The following ZNF286A variants were observed in gnomAD, a reference collection of about 807,000 sequenced individuals.
ZNF286A encodes the protein zinc finger protein ZNF286.
Under a neutral mutation model 49.3 loss-of-function variants are expected in ZNF286A, and 34 were observed. That is an observed-to-expected ratio of 0.69 (90% CI 0.52 to 0.92). The LOEUF (loss-of-function observed/expected upper bound fraction) is 0.92. Among genes scored for constraint, ZNF286A ranks in the 40% least tolerant of loss-of-function variants. The probability of loss-of-function intolerance (pLI) is 0.00; values close to 1 mark genes in which losing one functional copy is unlikely to be tolerated. For missense variants in ZNF286A, 462 were observed against 600.2 expected (o/e 0.77, Z 2.41); for synonymous variants, 155 against 200.4 (o/e 0.77, Z 1.91).
chr17:15,712,021 G>A (rs1383191206), intron 5 of ZNF286A, among the ~76,000 whole-genome samples: 114 of 151,734 alleles, frequency 7.5e-4, no homozygotes, highest in South Asian at 4.2e-4. Flanking sequence ...ACAGGTGCCC[G>A]CCACCACACC....
chr17:15,717,332 T>G lies in ZNF286A; in HGVS notation c.*42T>G, dbSNP rs1967118033. 1.5e-6 allele frequency: 2 copies of G among 1,378,476 alleles called. No individual in the cohort carries two copies. The highest frequency in any genetic ancestry group is 4.7e-5 in the Admixed American group (2 of 42,842). The allele number at this position is 1,378,476 out of a possible 1,614,324, so 85.4% of individuals were successfully genotyped here. A position where few individuals can be genotyped will look rare whatever the true frequency, so the allele number is the denominator to read the frequency against. ...AAGAAATGTAAGTTGGTTTTATCACTGTATTAAATACTTGAGTGTTTAGGT... is the reference window on the plus strand; with the variant it reads ...AAGAAATGTAAGTTGGTTTTATCACGGTATTAAATACTTGAGTGTTTAGGT... On this transcript the variant is annotated 3_prime_UTR_variant, in exon 6 of 6. Coordinates refer to ENST00000583566, the MANE Select transcript of ZNF286A (RefSeq NM_001130842.2).
chr17:15,711,860 G>C (rs9900262), intron 5 of ZNF286A, among the ~76,000 whole-genome samples: 50,918 of 102,348 alleles, frequency 0.5, 12,796 homozygotes, highest in East Asian at 0.6. Context: ...TCTGTAATCT[G>C]CCCCCCCCCC....
In ZNF286A at chr17:15,706,511, G is replaced by A. The variant is rs758695730; in HGVS notation, c.241+10G>A. On this transcript the variant is annotated intron_variant, in intron 4 of 5. Transcript: ENST00000583566. ...AACCTAGTCTCACTTTGTAAGAATG[G>A]ATTGTGATTCTGGAATCTGCTTATA... 6.5e-5 allele frequency: 102 copies of A among 1,579,392 alleles called. 1 individual carries two copies. In the Middle Eastern group the frequency reaches 8.4e-4, roughly 13 times the overall value.
chr17:15,716,354 T>A lies in ZNF286A; in HGVS notation c.630T>A (p.Val210=). Residue 210 remains valine (V), a synonymous_variant, in exon 6 of 6, where the codon GTT becomes GTA. Coordinates refer to ENST00000583566, the MANE Select transcript of ZNF286A (RefSeq NM_001130842.2). ...CTGTCCTTATCACTGAAGACAGAGTTCCCAAAGGATCTTATGCCTTCCATA... is the reference window on the plus strand; with the variant it reads ...CTGTCCTTATCACTGAAGACAGAGTACCCAAAGGATCTTATGCCTTCCATA... ...QKSVLITEDR[V]PKGSYAFHTL... is the part of the protein sequence containing the mutation. The A allele has an allele frequency of 6.2e-7, 1 of 1,613,798 alleles. No homozygotes were observed.
chr17:15,711,690 G>A (rs556897855), intron 5 of ZNF286A, among the ~76,000 whole-genome samples: 12 of 152,254 alleles, frequency 7.9e-5, no homozygotes, highest in African/African-American at 2.9e-4. Context: ...TAGTATGAAA[G>A]CAGCCCTAGA....
At chr17:15,706,244 G>A in intron 3 of ZNF286A, 143 bp from the exon 4 acceptor site, 4 of 632,292 alleles carry the variant, frequency 6.3e-6, no homozygotes, top group South Asian at 5.7e-5. Context: ...CGAATCTGAC[G>A]ACCATTAGAA....
At chr17:15,708,654 A>G (rs894182829) in intron 5 of ZNF286A, among the ~76,000 whole-genome samples, 1 of 152,154 alleles carries the variant, frequency 6.6e-6, no homozygotes, top group African/African-American at 2.4e-5. Flanking sequence ...CCTTATCCTA[A>G]CTTATAGCAC....
At position 15,716,085 on chromosome 17, in the gene ZNF286A, G is replaced by A. The variant is rs775738414; in HGVS notation, c.361G>A (p.Asp121Asn). Reference sequence around the variant, plus strand: ...CATGGAGACTAGACCACAGAGCAAGGATTCAACTTCAGTGCAAGATTTTTC... The same window carrying A: ...CATGGAGACTAGACCACAGAGCAAGAATTCAACTTCAGTGCAAGATTTTTC... Reference protein sequence around the residue: ...SDMETRPQSKDSTSVQDFSKA... With the variant: ...SDMETRPQSKNSTSVQDFSKA... Residue 121 changes from aspartate to asparagine, a missense_variant, in exon 6 of 6, where the codon GAT becomes AAT. Coordinates refer to ENST00000583566, the MANE Select transcript of ZNF286A (RefSeq NM_001130842.2). 20 of 1,613,852 alleles carry A rather than the reference G, an allele frequency of 1.2e-5. No homozygotes were observed. The Admixed American group carries it at 2.8e-4, about 23-fold the overall frequency.
intron 4 of ZNF286A, among the ~76,000 whole-genome samples, chr17:15,706,792 T>C (rs1363120856): frequency 6.6e-6 from 1 of 152,208 alleles, no homozygotes; most frequent in African/African-American, 2.4e-5. Flanking sequence ...ATTTCCTTTA[T>C]TCATTGATTT....
intron 3 of ZNF286A, among the ~76,000 whole-genome samples, chr17:15,702,877 T>C (rs1171722529): frequency 6.6e-6 from 1 of 152,248 alleles, no homozygotes; most frequent in Non-Finnish European, 1.5e-5. Context: ...TAAAACCTAA[T>C]TCTTCATTTT....
At position 15,719,473 on chromosome 17, in the gene ZNF286A, G is replaced by T. The variant is rs1967263749; in HGVS notation, c.*2183G>T. The T allele has an allele frequency of 6.6e-6, 1 of 150,390 alleles. No individual in the cohort carries two copies. Among genetic ancestry groups the T allele is most frequent in the Admixed American group, 6.6e-5 (1 of 15,056 alleles). The allele number at this position is 150,390 out of a possible 1,614,324, so 9.3% of individuals were successfully genotyped here. A position where few individuals can be genotyped will look rare whatever the true frequency, so the allele number is the denominator to read the frequency against. ...TTCTCACAGTTTTGGAGGCTGGGAA[G>T]TCCAAGATCAAGGTGTCAACATATT... is the stretch of plus-strand genomic sequence containing the variant. On this transcript the variant is annotated 3_prime_UTR_variant, in exon 6 of 6. Coordinates refer to ENST00000583566, the MANE Select transcript of ZNF286A (RefSeq NM_001130842.2).
At chr17:15,702,779 C>G (rs1414136472) in intron 3 of ZNF286A, among the ~76,000 whole-genome samples, 1 of 152,188 alleles carries the variant, frequency 6.6e-6, no homozygotes, top group Non-Finnish European at 1.5e-5. Context: ...AAAGTCAATT[C>G]AAATGGGTCT....
chr17:15,711,535 A>G (rs1990646516), intron 5 of ZNF286A: 1 of 152,174 alleles, frequency 6.6e-6, no homozygotes, highest in Non-Finnish European at 1.5e-5. Context: ...CAAGGTGGAA[A>G]CTGGTGAACC....
intron 5 of ZNF286A, among the ~76,000 whole-genome samples, chr17:15,711,873 C>CTTTT (rs769063767): frequency 1.5e-4 from 12 of 79,902 alleles, no homozygotes; most frequent in Admixed American, 6.6e-4. Context: ...CCCCCCCCGG[C>CTTTT]TTTTTTTTTT....
At chr17:15,709,834 T>A in intron 5 of ZNF286A, 1 of 1,544,054 alleles carries the variant, frequency 6.5e-7, no homozygotes, top group Non-Finnish European at 8.7e-7. Context: ...GTGATCATCC[T>A]TTTTTTGATT....
At chr17:15,708,604 G>A (rs982988932) in intron 5 of ZNF286A, among the ~76,000 whole-genome samples, 4 of 152,106 alleles carry the variant, frequency 2.6e-5, no homozygotes, top group African/African-American at 7.2e-5. Context: ...AGAAGCACCG[G>A]TGTGCCCTGT....
At chr17:15,702,845 T>C (rs1989888228) in intron 3 of ZNF286A, among the ~76,000 whole-genome samples, 1 of 152,354 alleles carries the variant, frequency 6.6e-6, no homozygotes, top group South Asian at 2.1e-4. Context: ...TCTGGCTACA[T>C]ATAGGGCTCA....
intron 5 of ZNF286A, among the ~76,000 whole-genome samples, chr17:15,711,154 C>T (rs1163159344): frequency 2.0e-5 from 3 of 152,074 alleles, no homozygotes; most frequent in African/African-American, 7.2e-5. Flanking sequence ...CCTCATGATC[C>T]GCCCGCCTAG....
At chr17:15,713,571 T>C (rs1190598589) in intron 5 of ZNF286A, among the ~76,000 whole-genome samples, 4 of 151,960 alleles carry the variant, frequency 2.6e-5, no homozygotes, top group Non-Finnish European at 5.9e-5. Context: ...CAAGTGATAC[T>C]TTCTGAAAGA....
Sources: allele counts gnomAD v4.1 joint callset (sites outside exome capture counted in the v4.1 genomes callset), GRCh38; gene constraint gnomAD v4.1.1; transcripts MANE v1.5; gene names NCBI Gene and HGNC (gene_info 2026-07-23, HGNC 2026-07-21).